P4HA1: variants seen among roughly 807,000 people sequenced by gnomAD.
P4HA1 encodes prolyl 4-hydroxylase subunit alpha-1.
In P4HA1, 24 loss-of-function variants were observed where a neutral mutation model predicts 72.8. The observed-to-expected ratio is 0.33, with a 90% CI of 0.24 to 0.46. The LOEUF (loss-of-function observed/expected upper bound fraction) is 0.46. Among genes scored for constraint, P4HA1 ranks in the 20% least tolerant of loss-of-function variants. The pLI is 1.00. For synonymous variants in P4HA1, 201 were observed against 218.8 expected, an observed-to-expected ratio of 0.92 and a Z score of 0.72; for missense variants, 446 against 640.6, an observed-to-expected ratio of 0.70 and a Z score of 3.28.
intron 10 of P4HA1, among the ~76,000 whole-genome samples, chr10:73,029,774 TGAA>T (rs897722177): frequency 1.3e-5 from 2 of 151,822 alleles, no homozygotes; most frequent in Admixed American, 6.6e-5. Flanking sequence ...TATGACGGAG[TGAA>T]GAAGAATTAT....
At chr10:73,065,758 A>C (rs1195812307) in intron 5 of P4HA1, among the ~76,000 whole-genome samples, 2 of 152,162 alleles carry the variant, frequency 1.3e-5, no homozygotes, top group Non-Finnish European at 2.9e-5. Context: ...ACGTGAGTAC[A>C]TGGCCACAAA....
In P4HA1 at chr10:73,016,829, ATTTC is replaced by A. The variant is rs754683036; in HGVS notation, c.1302+13_1302+16del. On this transcript the variant is annotated intron_variant, in intron 11 of 14. Coordinates refer to ENST00000394890, the MANE Select transcript of P4HA1 (RefSeq NM_001017962.3). ...TGCATAAGCCTCAGTGAATTTCTCC[ATTTC>A]TTTTTCACTTACCCGTGCAAAGTCA... 5.6e-5 allele frequency: 88 copies of A among 1,584,178 alleles called. 1 individual carries two copies. In the East Asian group the frequency reaches 1.9e-3, roughly 35 times the overall value.
chr10:73,054,866 C>T (rs113970746), intron 5 of P4HA1, among the ~76,000 whole-genome samples: 1 of 152,078 alleles, frequency 6.6e-6, no homozygotes, highest in Non-Finnish European at 1.5e-5. Flanking sequence ...GGCCTATTAT[C>T]GTGTGCTTAT....
intron 1 of P4HA1, among the ~76,000 whole-genome samples, chr10:73,081,817 G>T (rs1198089165): frequency 6.6e-6 from 1 of 152,122 alleles, no homozygotes; most frequent in Non-Finnish European, 1.5e-5. Flanking sequence ...GGCGGATCAC[G>T]AGGTCAGGAG....
intron 11 of P4HA1, among the ~76,000 whole-genome samples, chr10:73,014,573 T>G (rs905813742): frequency 1.3e-5 from 2 of 152,088 alleles, no homozygotes; most frequent in African/African-American, 4.8e-5. Flanking sequence ...GTACCTGGCC[T>G]CAAATACGTG....
Position 73,030,355 on chromosome 10 carries a change from G to T in P4HA1, c.1164C>A (p.Gly388=). ...YRISKSAWLS[G]YENPVVSRIN... ...TTCGAGACACCACAGGATTTTCATA[G>T]CCAGAGAGCCAGGCACTAAGAATAA... Residue 388 remains glycine, a synonymous_variant, in exon 10 of 15, where the codon GGC becomes GGA. Transcript: ENST00000394890. The T allele has an allele frequency of 1.3e-6, 2 of 1,559,214 alleles. No individual in the cohort carries two copies. The highest frequency in any genetic ancestry group is 8.8e-7 in the Non-Finnish European group (1 of 1,139,868).
chr10:73,083,811 T>C (rs1353406398), intron 1 of P4HA1, among the ~76,000 whole-genome samples: 1 of 152,194 alleles, frequency 6.6e-6, no homozygotes, highest in Non-Finnish European at 1.5e-5. Flanking sequence ...TATATTTGCC[T>C]ACATATGTAA....
chr10:73,059,363 G>A (rs1304095546), intron 5 of P4HA1, among the ~76,000 whole-genome samples: 3 of 141,110 alleles, frequency 2.1e-5, no homozygotes, highest in Non-Finnish European at 3.0e-5. Context: ...GCCAAGGCAG[G>A]AAGATCTCCT....
chr10:73,073,612 T>C, intron 3 of P4HA1, 119 bp downstream of exon 3: 1 of 646,342 alleles, frequency 1.5e-6, no homozygotes, highest in South Asian at 1.8e-5. Flanking sequence ...ATTTTAGCCA[T>C]TGCAACTGGC....
intron 12 of P4HA1, among the ~76,000 whole-genome samples, chr10:73,011,252 A>G (rs917222599): frequency 3.9e-5 from 6 of 152,238 alleles, no homozygotes; most frequent in Admixed American, 2.6e-4. Context: ...AGGAATGAAT[A>G]ACAAAAAACT....
intron 14 of P4HA1, among the ~76,000 whole-genome samples, chr10:73,009,354 C>T (rs1372082025): frequency 6.6e-6 from 1 of 152,190 alleles, no homozygotes; most frequent in African/African-American, 2.4e-5. Context: ...AGGTGCTACT[C>T]GAGCCTCACA....
intron 7 of P4HA1, among the ~76,000 whole-genome samples, chr10:73,048,295 GCT>G (rs1468741462): frequency 6.6e-6 from 1 of 152,098 alleles, no homozygotes; most frequent in Non-Finnish European, 1.5e-5. Flanking sequence ...ACAAAGTCTT[GCT>G]CTGTTACCCA....
At chr10:73,052,809 T>A (rs969430874) in intron 6 of P4HA1, among the ~76,000 whole-genome samples, 1 of 152,218 alleles carries the variant, frequency 6.6e-6, no homozygotes, top group Non-Finnish European at 1.5e-5. Context: ...TTAGCAGATC[T>A]AGGGTAGAGA....
At chr10:73,069,608 A>T (rs576335551) in intron 4 of P4HA1, among the ~76,000 whole-genome samples, 2 of 152,284 alleles carry the variant, frequency 1.3e-5, no homozygotes, top group Admixed American at 1.3e-4. Context: ...ATATAAACCT[A>T]ATCTTAGAGG....
At chr10:73,061,802 TGAG>T (rs1443415607) in intron 5 of P4HA1, among the ~76,000 whole-genome samples, 1 of 152,046 alleles carries the variant, frequency 6.6e-6, no homozygotes, top group East Asian at 1.9e-4. Flanking sequence ...AAGACCTACT[TGAG>T]GCCAGGAATT....
chr10:73,030,267 C>T lies in P4HA1; in HGVS notation c.1248+4G>A, dbSNP rs1362982842. 6.9e-7 allele frequency: 1 copy of T among 1,443,132 alleles called. No individual in the cohort carries two copies. Among genetic ancestry groups the T allele is most frequent in the Non-Finnish European group, 9.5e-7 (1 of 1,049,214 alleles). The allele number at this position is 1,443,132 out of a possible 1,614,324, so 89.4% of individuals were successfully genotyped here. ...AATGACTTAAGGATAATGTGATTACCTACCTGTAATTCCTCTGCTGTGGAA... is the reference window on the plus strand; with the variant it reads ...AATGACTTAAGGATAATGTGATTACTTACCTGTAATTCCTCTGCTGTGGAA... On this transcript the variant is annotated splice_donor_region_variant and intron_variant, in intron 10 of 14. Transcript: ENST00000394890.
intron 5 of P4HA1, among the ~76,000 whole-genome samples, chr10:73,054,650 C>T (rs1409180948): frequency 1.3e-5 from 2 of 152,204 alleles, no homozygotes; most frequent in Non-Finnish European, 2.9e-5. Flanking sequence ...AGCAACTCTA[C>T]GCTTAACGTT....
At chr10:73,072,896 G>C (rs1436542327) in intron 3 of P4HA1, among the ~76,000 whole-genome samples, 3 of 152,140 alleles carry the variant, frequency 2.0e-5, no homozygotes, top group Admixed American at 2.0e-4. Flanking sequence ...CAGGCTGGGT[G>C]CGGTGGCTCA....
intron 1 of P4HA1, among the ~76,000 whole-genome samples, chr10:73,079,462 C>T (rs751883461): frequency 9.2e-5 from 14 of 152,076 alleles, no homozygotes; most frequent in Non-Finnish European, 1.5e-4. Flanking sequence ...AACAGTAAGG[C>T]CAGGAGCGGT....
Sources: allele counts gnomAD v4.1 joint callset (sites outside exome capture counted in the v4.1 genomes callset), GRCh38; gene constraint gnomAD v4.1.1; transcripts MANE v1.5; gene names NCBI Gene and HGNC (gene_info 2026-07-23, HGNC 2026-07-21).